SCRN3: variants seen among roughly 807,000 people sequenced by gnomAD.
SCRN3 encodes secernin 3, also known as secernin-3.
SCRN3 carries 39 observed loss-of-function variants against 43.1 expected under a neutral mutation model. The ratio of observed to expected loss-of-function variants is 0.91; its 90% CI spans 0.70 to 1.18. SCRN3 has a LOEUF of 1.18. Ranked by LOEUF, SCRN3 falls within the 50% of genes most tolerant of loss-of-function variation. The pLI, the probability that SCRN3 is intolerant of heterozygous loss-of-function variation, is 0.00. For missense variants in SCRN3, 484 were observed against 498.0 expected, an observed-to-expected ratio of 0.97 and a Z score of 0.27; for synonymous variants, 147 against 163.1, an observed-to-expected ratio of 0.90 and a Z score of 0.75.
rs1685394780 is a variant in SCRN3, at chr2:174,398,349, T to G, written c.66T>G (p.Ile22Met). The G allele has an allele frequency of 1.2e-6, 2 of 1,607,520 alleles. No homozygotes were observed. Among genetic ancestry groups the G allele is most frequent in the Non-Finnish European group, 1.7e-6 (2 of 1,177,892 alleles). ...CAGCAACAGTCGATAACAGGATTAT[T>G]TTTGGAAAAAATTCAGATAGACTCT... ...LPPATVDNRI[I>M]FGKNSDRLYD... The change falls in exon 2 of 8, where the codon ATT (isoleucine) becomes ATG (methionine). Residue 22 changes from isoleucine to methionine, a missense_variant. Ile to Met is a conservative substitution (Grantham distance 10). Coordinates refer to ENST00000272732, the MANE Select transcript of SCRN3 (RefSeq NM_024583.5).
chr2:174,416,865 T>C (rs1686129566), intron 5 of SCRN3, among the ~76,000 whole-genome samples: 1 of 152,186 alleles, frequency 6.6e-6, no homozygotes, highest in African/African-American at 2.4e-5. Context: ...AATACAGCTA[T>C]TTAAATAAAT....
At chr2:174,427,626 C>A in intron 7 of SCRN3, 87 bp from the exon 8 acceptor site, 1 of 704,860 alleles carries the variant, frequency 1.4e-6, no homozygotes, top group Non-Finnish European at 2.1e-6. Flanking sequence ...CCAGCATGAA[C>A]AAACCTTATT....
intron 5 of SCRN3, among the ~76,000 whole-genome samples, chr2:174,409,813 G>T (rs879996107): frequency 1.6e-5 from 2 of 127,662 alleles, no homozygotes; most frequent in Non-Finnish European, 1.8e-5. Context: ...GCAGTCTGCC[G>T]GTTCTCAGAT....
chr2:174,411,417 T>C (rs1452599988), intron 5 of SCRN3, among the ~76,000 whole-genome samples: 1 of 152,228 alleles, frequency 6.6e-6, no homozygotes, highest in African/African-American at 2.4e-5. Context: ...ACGACTATTA[T>C]GATAGTTTCT....
At position 174,417,682 on chromosome 2, in the gene SCRN3, C is replaced by G. The variant is rs117700049; in HGVS notation, c.755-5203C>G. Among the ~76,000 whole-genome samples, 15 of 152,118 alleles carry G rather than the reference C, an allele frequency of 9.9e-5. 1 individual carries two copies. Among genetic ancestry groups the G allele is most frequent in the Non-Finnish European group, 2.2e-4 (15 of 68,036 alleles). The stretch of plus-strand genomic sequence containing the variant: ...TGCTGGAATTACAGGCGTCAGCCGC[C>G]GCACCTGGCCTAATTATATTATTCT... On this transcript the variant is annotated intron_variant, in intron 5 of 7. Coordinates refer to ENST00000272732, the MANE Select transcript of SCRN3 (RefSeq NM_024583.5).
At chr2:174,406,569 C>T (rs1685701632) in intron 5 of SCRN3, among the ~76,000 whole-genome samples, 1 of 150,678 alleles carries the variant, frequency 6.6e-6, no homozygotes, top group African/African-American at 2.4e-5. Flanking sequence ...AGTTTTTGCC[C>T]ATTCAGTATG....
intron 2 of SCRN3, among the ~76,000 whole-genome samples, 172 bp downstream of exon 2, chr2:174,398,614 C>T (rs956702410): frequency 3.3e-5 from 5 of 152,088 alleles, no homozygotes; most frequent in South Asian, 4.1e-4. Flanking sequence ...ATTCGGAGGA[C>T]GTTGAAATAA....
Position 174,428,391 on chromosome 2 carries a change from A to G in SCRN3, c.*496A>G, listed in dbSNP as rs1470468492. ...ACAAGAAAAATGTCTAGATTTACAC[A>G]TTGTCAATACAGTATATTAGTTCTG... On this transcript the variant is annotated 3_prime_UTR_variant, in exon 8 of 8. Transcript: ENST00000272732. The G allele has an allele frequency of 6.5e-6, 1 of 152,722 alleles. No individual in the cohort carries two copies. Among genetic ancestry groups the G allele is most frequent in the Non-Finnish European group, 1.5e-5 (1 of 68,066 alleles). The allele number at this position is 152,722 out of a possible 1,614,324, so 9.5% of individuals were successfully genotyped here.
rs764672196 is a variant in SCRN3, at chr2:174,401,031, A to G, written c.383A>G (p.Asn128Ser). 14 of 1,613,704 alleles carry G rather than the reference A, an allele frequency of 8.7e-6. No individual in the cohort carries two copies. The South Asian group carries it at 1.5e-4, about 18-fold the overall frequency. ...GCTGATACAGCTGAAAAAGCCCTCA[A>G]TGTCATTGTTGACTTACTAGAAAAA... ...ERADTAEKALNVIVDLLEKYG... is the reference protein window; with the variant it reads ...ERADTAEKALSVIVDLLEKYG... Residue 128 changes from asparagine (N) to serine (S), a missense_variant, in exon 4 of 8, where the codon AAT (asparagine) becomes AGT (serine). Asn to Ser is a conservative substitution (Grantham distance 46, BLOSUM62 1). Transcript: ENST00000272732.
At chr2:174,414,451 TAC>T (rs1253724502) in intron 5 of SCRN3, among the ~76,000 whole-genome samples, 2 of 152,214 alleles carry the variant, frequency 1.3e-5, no homozygotes, top group Non-Finnish European at 2.9e-5. Flanking sequence ...GCATGCTATT[TAC>T]ACTTTTCTCC....
At chr2:174,405,749 T>C (rs1380935892) in intron 5 of SCRN3, among the ~76,000 whole-genome samples, 2 of 151,068 alleles carry the variant, frequency 1.3e-5, no homozygotes, top group Non-Finnish European at 3.0e-5. Flanking sequence ...CTCAGGTTTG[T>C]CAAAGATCAG....
intron 5 of SCRN3, among the ~76,000 whole-genome samples, chr2:174,411,929 T>A (rs961967853): frequency 1.1e-4 from 17 of 151,960 alleles, no homozygotes; most frequent in African/African-American, 2.9e-4. Context: ...TCAAAAAAAA[T>A]TTTTTTAATT....
chr2:174,422,798 C>A, intron 5 of SCRN3, 87 bp from the exon 6 acceptor site: 1 of 755,012 alleles, frequency 1.3e-6, no homozygotes, highest in Non-Finnish European at 2.1e-6. Flanking sequence ...TAATATCTCA[C>A]ATATTATCAG....
Position 174,401,171 on chromosome 2 carries a change from G to A in SCRN3, c.523G>A (p.Ala175Thr), listed in dbSNP as rs1685497815. The change falls in exon 4 of 8, where the codon GCA (alanine) becomes ACA (threonine). Residue 175 changes from alanine to threonine, a missense_variant. Ala to Thr is a moderately conservative substitution (Grantham distance 58). Coordinates refer to ENST00000272732, the MANE Select transcript of SCRN3 (RefSeq NM_024583.5). Reference sequence around the variant, plus strand: ...TCTGGAGACTGCAGGGAAGTACTGGGCAGCAGAAAAAGTACAAGGTATGGA... The same window carrying A: ...TCTGGAGACTGCAGGGAAGTACTGGACAGCAGAAAAAGTACAAGGTATGGA... ...WILETAGKYW[A>T]AEKVQEGVRN... 6.2e-7 allele frequency: 1 copy of A among 1,613,666 alleles called. No homozygotes were observed. The highest frequency in any genetic ancestry group is 1.3e-5 in the African/African-American group (1 of 75,018).
Position 174,427,506 on chromosome 2 carries a change from A to G in SCRN3, c.1093-207A>G, listed in dbSNP as rs553275514. 5.3e-5 allele frequency among the ~76,000 whole-genome samples: 8 copies of G among 152,238 alleles called. No individual in the cohort carries two copies. In the East Asian group the frequency reaches 1.5e-3, roughly 29 times the overall value. On this transcript the variant is annotated intron_variant, in intron 7 of 7. Coordinates refer to ENST00000272732, the MANE Select transcript of SCRN3 (RefSeq NM_024583.5). ...GTTTTTGTCTTTTCTACTAAAAATA[A>G]TTTGGTATTCATGCATTAACTCAAT...
Position 174,406,395 on chromosome 2 carries a change from C to T in SCRN3, c.754+2080C>T, listed in dbSNP as rs904873979. The stretch of plus-strand genomic sequence containing the variant: ...GGGTTTTCTAGATATACAATCATGT[C>T]GTCTGCAAACAGGGACAATTTGACT... On this transcript the variant is annotated intron_variant, in intron 5 of 7. Coordinates refer to ENST00000272732, the MANE Select transcript of SCRN3 (RefSeq NM_024583.5). Among the ~76,000 whole-genome samples, 88 of 133,374 alleles carry T rather than the reference C, an allele frequency of 6.6e-4. 3 individuals carry two copies. The highest frequency in any genetic ancestry group is 1.3e-3 in the Non-Finnish European group (75 of 57,762). 87.5% of individuals were successfully genotyped at this position (133,374 alleles called of 152,430 possible).
At chr2:174,423,083 C>CAGGGGATG in intron 6 of SCRN3, 36 bp downstream of exon 6, 3 of 1,573,876 alleles carry the variant, frequency 1.9e-6, no homozygotes, top group Non-Finnish European at 2.6e-6. Context: ...AGCAAGGGGT[C>CAGGGGATG]AGGGGATGGA....
chr2:174,399,916 T>TA lies in SCRN3; in HGVS notation c.160-6_160-5insA. 7.7e-7 allele frequency: 1 copy of TA among 1,291,328 alleles called. No individual in the cohort carries two copies. The highest frequency in any genetic ancestry group is 1.0e-6 in the Non-Finnish European group (1 of 991,956). 80.0% of individuals were successfully genotyped at this position (1,291,328 alleles called of 1,614,324 possible). A position where few individuals can be genotyped will look rare whatever the true frequency, so the allele number is the denominator to read the frequency against. Reference sequence around the variant, plus strand: ...TGCTATGACTTTTTTTTTTTTTTTTTTACAGTGTACATATATAGAAATTGA... The same window carrying TA: ...TGCTATGACTTTTTTTTTTTTTTTTTATACAGTGTACATATATAGAAATTGA... On this transcript the variant is annotated splice_region_variant and splice_polypyrimidine_tract_variant and intron_variant, in intron 2 of 7. Coordinates refer to ENST00000272732, the MANE Select transcript of SCRN3 (RefSeq NM_024583.5).
At chr2:174,396,111 T>C (rs1435565973) in intron 1 of SCRN3, 1 of 1,021,210 alleles carries the variant, frequency 9.8e-7, no homozygotes, top group Non-Finnish European at 1.2e-6. Context: ...CGTAGTATGC[T>C]TGCGAGAATC....
Sources: gnomAD v4.1 joint callset for allele counts (sites outside exome capture counted in the v4.1 genomes callset) on GRCh38, gnomAD v4.1.1 for gene constraint, MANE v1.5 for transcripts, NCBI Gene and HGNC (gene_info 2026-07-23, HGNC 2026-07-21) for gene names.